LMBR1: variants seen among roughly 807,000 people sequenced by gnomAD.
The protein encoded by LMBR1 is limb region 1 protein homolog.
Under a neutral mutation model 73.9 loss-of-function variants are expected in LMBR1, and 52 were observed. That is an observed-to-expected ratio of 0.70 (90% CI 0.56 to 0.89). The LOEUF (loss-of-function observed/expected upper bound fraction) is 0.89. Among genes scored for constraint, LMBR1 ranks in the 40% least tolerant of loss-of-function variants. The probability of loss-of-function intolerance (pLI) is 0.00; values close to 1 mark genes in which losing one functional copy is unlikely to be tolerated. For missense variants in LMBR1, 539 were observed against 579.8 expected, an observed-to-expected ratio of 0.93 and a Z score of 0.72; for synonymous variants, 215 against 209.4, an observed-to-expected ratio of 1.03 and a Z score of -0.23.
In LMBR1 at chr7:156,850,186, G is replaced by A. The variant is rs535115790; in HGVS notation, c.67-13301C>T. Among the ~76,000 whole-genome samples, 13 of 152,150 alleles carry A rather than the reference G, an allele frequency of 8.5e-5. No homozygotes were observed. The East Asian group carries it at 1.7e-3, about 20-fold the overall frequency. ...GTTATCACAGGAGTGGGTTAGTTAC[G>A]GTGAGAGCAGGTTTGTTATAAAAGC... On this transcript the variant is annotated intron_variant, in intron 1 of 16. Coordinates refer to ENST00000353442, the MANE Select transcript of LMBR1 (RefSeq NM_022458.4).
In LMBR1 at chr7:156,794,859, CTCCTTTGTACTCCTT is replaced by C. The variant is rs1162478630; in HGVS notation, c.423+1515_423+1529del. Among the ~76,000 whole-genome samples the C allele has an allele frequency of 2.6e-5, 4 of 152,240 alleles. No homozygotes were observed. In the East Asian group the frequency reaches 7.7e-4, roughly 29 times the overall value. ...TGTTCTGCACTGTGTGGGGCATGTA[CTCCTTTGTACTCCTT>C]TCCTTTGTGACCTGCACAAAGTCTA... On this transcript the variant is annotated intron_variant, in intron 5 of 16. Transcript: ENST00000353442.
At chr7:156,815,472 T>G (rs966420131) in intron 4 of LMBR1, among the ~76,000 whole-genome samples, 11 of 152,332 alleles carry the variant, frequency 7.2e-5, no homozygotes, top group African/African-American at 2.4e-4. Context: ...TGTCTGGATA[T>G]TCTAAGTTTT....
At position 156,679,267 on chromosome 7, in the gene LMBR1, C is replaced by A. The variant is rs1008394972; in HGVS notation, c.*4811G>T. 3.9e-5 allele frequency: 6 copies of A among 152,154 alleles called. No individual in the cohort carries two copies. The highest frequency in any genetic ancestry group is 1.4e-4 in the African/African-American group (6 of 41,420). 9.4% of individuals were successfully genotyped at this position (152,154 alleles called of 1,614,324 possible). A position where few individuals can be genotyped will look rare whatever the true frequency, so the allele number is the denominator to read the frequency against. ...ACCACGCCCCAGGCCCCTCTCACCA[C>A]CCCTGCTTCCAAGTCTTTGATGAGA... On this transcript the variant is annotated 3_prime_UTR_variant, in exon 17 of 17. Transcript: ENST00000353442.
downstream of LMBR1, chr7:156,675,762 A>G (rs1295078087): frequency 6.2e-7 from 1 of 1,614,138 alleles, no homozygotes; most frequent in Non-Finnish European, 8.5e-7. Context: ...CTTTGCAGAA[A>G]TCGATCAGTG....
intron 15 of LMBR1, among the ~76,000 whole-genome samples, chr7:156,689,531 A>T (rs1017882989): frequency 6.6e-6 from 1 of 152,194 alleles, no homozygotes; most frequent in Non-Finnish European, 1.5e-5. Flanking sequence ...GAGACAACAG[A>T]AAAACCAAAT....
chr7:156,807,202 A>G (rs1266010892), intron 4 of LMBR1, among the ~76,000 whole-genome samples: 2 of 152,050 alleles, frequency 1.3e-5, no homozygotes, highest in Non-Finnish European at 2.9e-5. Flanking sequence ...GTTTTCATGT[A>G]TTGTCTGCCT....
At chr7:156,838,325 TCCTA>T (rs1386672727) in intron 1 of LMBR1, among the ~76,000 whole-genome samples, 1 of 152,136 alleles carries the variant, frequency 6.6e-6, no homozygotes, top group Non-Finnish European at 1.5e-5. Flanking sequence ...AACTTATTCC[TCCTA>T]CCTAACTGAA....
intron 5 of LMBR1, among the ~76,000 whole-genome samples, chr7:156,770,118 T>C (rs1273227219): frequency 6.6e-6 from 1 of 152,226 alleles, no homozygotes; most frequent in Non-Finnish European, 1.5e-5. Flanking sequence ...TTATAGGGAA[T>C]ATACCTCTAT....
chr7:156,718,142 G>A (rs954299170), intron 15 of LMBR1, among the ~76,000 whole-genome samples: 3 of 152,170 alleles, frequency 2.0e-5, no homozygotes, highest in Non-Finnish European at 2.9e-5. Context: ...GCTCACACCT[G>A]TAATCCCAGC....
chr7:156,834,191 T>C (rs560644649), intron 2 of LMBR1, among the ~76,000 whole-genome samples: 6 of 152,160 alleles, frequency 3.9e-5, no homozygotes, highest in East Asian at 1.9e-4. Flanking sequence ...TTCAGAAACA[T>C]AGAACTCATA....
At chr7:156,892,663 G>A (rs1053968490) in intron 1 of LMBR1, 3 of 314,606 alleles carry the variant, frequency 9.5e-6, no homozygotes, top group African/African-American at 4.5e-5. Context: ...CTCGAACGGA[G>A]GGAGCGCGAG....
Position 156,713,114 on chromosome 7 carries a change from T to C in LMBR1, c.1225+10998A>G, listed in dbSNP as rs529410684. ...AAAAGATATGGAGGAACCCTAAATA[T>C]ACGTTAAATGAAAGAAACCTATCTG... On this transcript the variant is annotated intron_variant, in intron 15 of 16. Transcript: ENST00000353442. Among the ~76,000 whole-genome samples, 5 of 152,250 alleles carry C rather than the reference T, an allele frequency of 3.3e-5. No homozygotes were observed. The South Asian group carries it at 6.2e-4, about 19-fold the overall frequency.
At chr7:156,837,890 G>A (rs1462104263) in intron 1 of LMBR1, among the ~76,000 whole-genome samples, 4 of 150,338 alleles carry the variant, frequency 2.7e-5, no homozygotes, top group African/African-American at 7.3e-5. Flanking sequence ...AGATTCAAGC[G>A]ATTCTCCCAT....
intron 8 of LMBR1, among the ~76,000 whole-genome samples, chr7:156,757,755 A>G (rs1233179047): frequency 6.6e-6 from 1 of 152,192 alleles, no homozygotes; most frequent in African/African-American, 2.4e-5. Context: ...AGATTTTCAA[A>G]TCATGCAATC....
downstream of LMBR1, chr7:156,676,730 T>C (rs1224526516): frequency 1.9e-6 from 2 of 1,038,490 alleles, no homozygotes; most frequent in African/African-American, 1.6e-5. Context: ...GCATGAGTTC[T>C]GGGTTAAGTA....
chr7:156,734,189 T>C lies in LMBR1; in HGVS notation c.826A>G (p.Lys276Glu). The change falls in exon 10 of 17, where the codon AAG becomes GAG. Residue 276 changes from lysine (K) to glutamate (E), a missense_variant. Lys to Glu is a moderately conservative substitution (Grantham distance 56). This residue lies in a region of LMBR1 where 454 missense variants were observed against 473.4 expected (regional missense o/e 0.96). Transcript: ENST00000353442. ...AAAAGTACAATACCTAATTTTGTCT[T>C]AAGAGTCTTTACATTTTCAAGTTCT... ...EQELENVKTL[K>E]TKLERRKKAS... 2 of 1,606,704 alleles carry C rather than the reference T, an allele frequency of 1.2e-6. No homozygotes were observed. Among genetic ancestry groups the C allele is most frequent in the South Asian group, 2.2e-5 (2 of 89,568 alleles).
At chr7:156,776,526 C>T (rs914675875) in intron 5 of LMBR1, among the ~76,000 whole-genome samples, 5 of 152,132 alleles carry the variant, frequency 3.3e-5, no homozygotes, top group Non-Finnish European at 7.3e-5. Flanking sequence ...TCTAAGAACT[C>T]CAACTTTGAA....
At chr7:156,847,789 A>C (rs973991481) in intron 1 of LMBR1, among the ~76,000 whole-genome samples, 7 of 152,222 alleles carry the variant, frequency 4.6e-5, no homozygotes, top group Non-Finnish European at 1.0e-4. Flanking sequence ...ATGTGGGGCA[A>C]CAAGAACTCT....
At chr7:156,776,167 A>C (rs142305848) in intron 5 of LMBR1, among the ~76,000 whole-genome samples, 2 of 151,314 alleles carry the variant, frequency 1.3e-5, no homozygotes, top group African/African-American at 4.8e-5. Context: ...TAGTAAACAC[A>C]ATGTAATGGT....
Sources: allele counts gnomAD v4.1 joint callset (sites outside exome capture counted in the v4.1 genomes callset), GRCh38; gene constraint gnomAD v4.1.1; regional missense constraint gnomAD v4.1.1; transcripts MANE v1.5; gene names NCBI Gene and HGNC (gene_info 2026-07-23, HGNC 2026-07-21).